Variants in EXPH5 observed in about 807,000 individuals in gnomAD.
EXPH5 encodes exophilin 5.
EXPH5 carries 42 observed loss-of-function variants against 41.1 expected under a neutral mutation model. That is an observed-to-expected ratio of 1.02 (90% CI 0.80 to 1.32). EXPH5 has a LOEUF of 1.32. EXPH5 is among the 40% of genes most tolerant of loss of function. EXPH5 has a pLI of 0.00. For synonymous variants in EXPH5, 798 were observed against 833.5 expected (o/e 0.96, Z 0.73); for missense variants, 2,298 against 2,314.5 (o/e 0.99, Z 0.15).
chr11:108,542,745 GTC>G (rs1023470377), intron 1 of EXPH5, among the ~76,000 whole-genome samples: 2 of 152,068 alleles, frequency 1.3e-5, no homozygotes, highest in Admixed American at 6.6e-5. Flanking sequence ...TTGAGACAGA[GTC>G]TCTCTCTGTC....
chr11:108,592,970 G>A (rs891270671), intron 1 of EXPH5, among the ~76,000 whole-genome samples: 1 of 152,264 alleles, frequency 6.6e-6, no homozygotes, highest in Non-Finnish European at 1.5e-5. Context: ...CGTTAGGCGA[G>A]GGTGGAAGCT....
chr11:108,517,082 A>G (rs1008731659), intron 5 of EXPH5, among the ~76,000 whole-genome samples: 10 of 152,228 alleles, frequency 6.6e-5, no homozygotes, highest in African/African-American at 2.4e-4. Flanking sequence ...GTATAACAAT[A>G]TAAGTAAAAT....
At chr11:108,541,604 G>C (rs868712226) in intron 2 of EXPH5, 48 bp downstream of exon 2, 1 of 1,325,294 alleles carries the variant, frequency 7.5e-7, no homozygotes, top group Middle Eastern at 2.4e-4. Flanking sequence ...ACAATACTAT[G>C]CCACAGAAAC....
In EXPH5 at chr11:108,513,258, G is replaced by T. The variant is rs763930645; in HGVS notation, c.2249C>A (p.Ser750Ter). The change falls in exon 6 of 6, where the codon TCA becomes TAA. Residue 750 changes from serine to a stop codon, truncating the protein, a stop_gained. Transcript: ENST00000265843. LOFTEE classifies it low-confidence loss of function (END_TRUNC). ...PDFQNPLSQD[S>*]AKSNGFGFNA... Reference sequence around the variant, plus strand: ...AAAACCAAACCCGTTGCTCTTGGCTGAGTCCTGGGATAAGGGATTTTGAAA... The same window carrying T: ...AAAACCAAACCCGTTGCTCTTGGCTTAGTCCTGGGATAAGGGATTTTGAAA... The T allele has an allele frequency of 5.6e-6, 9 of 1,611,826 alleles. No individual in the cohort carries two copies. The highest frequency in any genetic ancestry group is 7.6e-6 in the Non-Finnish European group (9 of 1,179,352).
intron 4 of EXPH5, among the ~76,000 whole-genome samples, chr11:108,522,190 A>ATT (rs548026475): frequency 6.8e-6 from 1 of 146,118 alleles, no homozygotes; most frequent in Non-Finnish European, 1.5e-5. Context: ...GAGGTTAGTG[A>ATT]TTTTTTTTTT....
intron 5 of EXPH5, 55 bp from the exon 6 acceptor site, chr11:108,514,930 A>G: frequency 8.2e-7 from 1 of 1,214,702 alleles, no homozygotes; most frequent in Non-Finnish European, 1.1e-6. Context: ...GTTTAATAAT[A>G]ATTTGAGTTA....
chr11:108,579,247 T>C (rs752451916), intron 1 of EXPH5, among the ~76,000 whole-genome samples: 3 of 152,044 alleles, frequency 2.0e-5, no homozygotes, highest in Non-Finnish European at 4.4e-5. Context: ...TAATGAATGC[T>C]TTTTTGACAT....
At chr11:108,528,105 T>TA in intron 4 of EXPH5, 31 bp downstream of exon 4, 1 of 1,499,006 alleles carries the variant, frequency 6.7e-7, no homozygotes, top group Non-Finnish European at 9.3e-7. Flanking sequence ...CTGAATTTCT[T>TA]AGAGTAACCT....
In EXPH5 at chr11:108,511,865, G is replaced by A. The variant is rs1278084829; in HGVS notation, c.3642C>T (p.Cys1214=). ...ALSNEDPLPF[C]SDLSGKERGK... ...CACGTTCTTTTCCTGACAAGTCTGAGCAAAAAGGTAAAGGGTCTTCATTTG... is the reference window on the plus strand; with the variant it reads ...CACGTTCTTTTCCTGACAAGTCTGAACAAAAAGGTAAAGGGTCTTCATTTG... The change falls in exon 6 of 6, where the codon TGC becomes TGT. Residue 1214 remains cysteine (C), a synonymous_variant. Coordinates refer to ENST00000265843, the MANE Select transcript of EXPH5 (RefSeq NM_015065.3). 1.3e-5 allele frequency: 20 copies of A among 1,587,124 alleles called. No homozygotes were observed. The highest frequency in any genetic ancestry group is 1.6e-5 in the Non-Finnish European group (19 of 1,171,742).
chr11:108,541,972 G>A (rs1591716391), intron 1 of EXPH5, among the ~76,000 whole-genome samples, 160 bp from the exon 2 acceptor site: 1 of 151,984 alleles, frequency 6.6e-6, no homozygotes, highest in East Asian at 1.9e-4. Context: ...TCACCTCCTG[G>A]GCTCAAGCGA....
At chr11:108,555,885 C>T (rs2093987390) in intron 1 of EXPH5, among the ~76,000 whole-genome samples, 1 of 152,254 alleles carries the variant, frequency 6.6e-6, no homozygotes, top group Admixed American at 6.5e-5. Context: ...AATCTCTTTC[C>T]TTTATAAATT....
chr11:108,602,091 G>T, the EXPH5 span, among the ~76,000 whole-genome samples: 2 of 152,122 alleles, frequency 1.3e-5, no homozygotes, highest in African/African-American at 4.8e-5. Flanking sequence ...TGCTTTTAAG[G>T]CTGGTCCAAC....
intron 1 of EXPH5, among the ~76,000 whole-genome samples, chr11:108,580,681 AG>A (rs2094095389): frequency 2.2e-5 from 3 of 138,842 alleles, no homozygotes; most frequent in African/African-American, 7.4e-5. Context: ...GAATGGATAA[AG>A]AAAATGTGGC....
chr11:108,519,018 A>C, intron 4 of EXPH5, among the ~76,000 whole-genome samples: 1 of 152,220 alleles, frequency 6.6e-6, no homozygotes, highest in East Asian at 1.9e-4. Context: ...CCATCAAAAA[A>C]TAATCATAAA....
At chr11:108,566,536 A>G (rs1218781735) in intron 1 of EXPH5, among the ~76,000 whole-genome samples, 1 of 152,168 alleles carries the variant, frequency 6.6e-6, no homozygotes, top group Non-Finnish European at 1.5e-5. Flanking sequence ...GTTTTATTAC[A>G]GTCTTGTGTC....
rs147293762 is a variant in EXPH5 at position 108,509,837 on chromosome 11, C to T, written c.5670G>A (p.Gly1890=). 132 of 1,613,596 alleles carry T rather than the reference C, an allele frequency of 8.2e-5. No individual in the cohort carries two copies. In the African/African-American group the frequency reaches 1.7e-3, roughly 21 times the overall value. The part of the protein sequence containing the change: ...IYRPIDYGIF[G]KEQQLAFLEN... The stretch of plus-strand genomic sequence containing the variant: ...CTAAGAAAGCTAACTGTTGTTCTTT[C>T]CCAAAGATCCCATAGTCGATAGGTC... The change falls in exon 6 of 6, where the codon GGG becomes GGA. Residue 1890 remains glycine, a synonymous_variant. Coordinates refer to ENST00000265843, the MANE Select transcript of EXPH5 (RefSeq NM_015065.3).
At chr11:108,527,718 T>C (rs1359576102) in intron 4 of EXPH5, among the ~76,000 whole-genome samples, 1 of 152,206 alleles carries the variant, frequency 6.6e-6, no homozygotes, top group African/African-American at 2.4e-5. Flanking sequence ...TGCGAACTTT[T>C]TCCTGCATCT....
chr11:108,578,606 T>C (rs61913927), intron 1 of EXPH5, among the ~76,000 whole-genome samples: 37,666 of 152,172 alleles, frequency 0.25, 5,222 homozygotes, highest in South Asian at 0.37. Context: ...GCATTGATTC[T>C]ATAGATCACT....
rs763159040 is a variant in EXPH5 at position 108,512,585 on chromosome 11, T to C, written c.2922A>G (p.Gly974=). 6.2e-7 allele frequency: 1 copy of C among 1,612,394 alleles called. No homozygotes were observed. The highest frequency in any genetic ancestry group is 8.5e-7 in the Non-Finnish European group (1 of 1,179,646). ...HSPFRNERGK[G]KIRHHISCIE... is the part of the protein sequence containing the mutation. ...TACAGGATATATGATGCCTTATTTT[T>C]CCTTTTCCTCTTTCATTCCTAAAAG... The change falls in exon 6 of 6, where the codon GGA becomes GGG. Residue 974 remains glycine, a synonymous_variant. Transcript: ENST00000265843.
Sources: gnomAD v4.1 joint callset for allele counts (sites outside exome capture counted in the v4.1 genomes callset) on GRCh38, gnomAD v4.1.1 for gene constraint, MANE v1.5 for transcripts, NCBI Gene and HGNC (gene_info 2026-07-23, HGNC 2026-07-21) for gene names.